Variants in SEC16A observed in about 807,000 individuals in gnomAD.
SEC16A encodes protein transport protein Sec16A.
SEC16A carries 110 observed loss-of-function variants against 221.9 expected under a neutral mutation model. The ratio of observed to expected loss-of-function variants is 0.50; its 90% CI spans 0.42 to 0.58. SEC16A has a LOEUF of 0.58. Ranked by LOEUF, SEC16A falls within the 20% of genes least tolerant of loss-of-function variation. The probability of loss-of-function intolerance (pLI) is 0.00; values close to 1 mark genes in which losing one functional copy is unlikely to be tolerated. For synonymous variants in SEC16A, 1,393 were observed against 1,257.7 expected, an observed-to-expected ratio of 1.11 and a Z score of -2.28; for missense variants, 3,165 against 3,097.8, an observed-to-expected ratio of 1.02 and a Z score of -0.52.
chr9:136,477,242 G>C lies in SEC16A; in HGVS notation c.374C>G (p.Ser125Cys). Residue 125 changes from serine to cysteine, a missense_variant, in exon 3 of 32, where the codon TCT becomes TGT. Transcript: ENST00000684901. ...AGGTGCTGAAGGTGTCAATGCACCAGAAAACGGACTGGCATGTGCTCTGGG... is the reference window on the plus strand; with the variant it reads ...AGGTGCTGAAGGTGTCAATGCACCACAAAACGGACTGGCATGTGCTCTGGG... ...TQPRAHASPF[S>C]GALTPSAPPG... 6.2e-7 allele frequency: 1 copy of C among 1,613,944 alleles called. No homozygotes were observed. The highest frequency in any genetic ancestry group is 8.5e-7 in the Non-Finnish European group (1 of 1,179,898).
intron 28 of SEC16A, among the ~76,000 whole-genome samples, chr9:136,446,495 T>C (rs1387684031): frequency 1.3e-5 from 2 of 151,940 alleles, no homozygotes; most frequent in African/African-American, 2.4e-5. Context: ...TTATTATCGG[T>C]AGGTAATTTC....
chr9:136,448,417 G>C (rs1053656210), intron 23 of SEC16A: 30 of 701,356 alleles, frequency 4.3e-5, no homozygotes, highest in Non-Finnish European at 6.8e-5. Context: ...GATGGAGGTG[G>C]GGGGCGATCC....
intron 4 of SEC16A, 85 bp downstream of exon 4, chr9:136,471,890 G>A: frequency 3.4e-6 from 5 of 1,485,394 alleles, no homozygotes; most frequent in Non-Finnish European, 4.6e-6. Context: ...AGAACTTTTT[G>A]AGTCACTAAG....
chr9:136,456,047 C>T lies in SEC16A; in HGVS notation c.5664+6G>A. The T allele has an allele frequency of 6.2e-7, 1 of 1,608,728 alleles. No homozygotes were observed. Among genetic ancestry groups the T allele is most frequent in the Admixed American group, 1.7e-5 (1 of 59,736 alleles). ...GCCTCTGTGCCACCCCAAGCCAAGG[C>T]TGTACCTTAATCTGCCGCTCCACCT... On this transcript the variant is annotated splice_donor_region_variant and intron_variant, in intron 19 of 31. Coordinates refer to ENST00000684901, the MANE Select transcript of SEC16A (RefSeq NM_014866.2).
upstream of SEC16A, chr9:136,483,756 T>C (rs1044816656): frequency 1.4e-5 from 14 of 985,042 alleles, no homozygotes; most frequent in African/African-American, 2.5e-4. Flanking sequence ...GGCGCGCTCC[T>C]CGCATTCTTC....
chr9:136,467,952 C>T (rs1048687396), intron 5 of SEC16A, among the ~76,000 whole-genome samples: 6 of 152,230 alleles, frequency 3.9e-5, no homozygotes, highest in African/African-American at 9.6e-5. Context: ...GCACCCAGGT[C>T]GCTGCCCGGT....
chr9:136,463,814 A>G, intron 9 of SEC16A, 74 bp from the exon 10 acceptor site: 1 of 1,529,234 alleles, frequency 6.5e-7, no homozygotes, highest in Non-Finnish European at 9.0e-7. Context: ...CAACCCAGGC[A>G]CGGATGCTGC....
chr9:136,475,723 C>G lies in SEC16A; in HGVS notation c.1893G>C (p.Val631=), dbSNP rs1216956424. 1.1e-5 allele frequency: 17 copies of G among 1,611,870 alleles called. No individual in the cohort carries two copies. The highest frequency in any genetic ancestry group is 1.4e-5 in the Non-Finnish European group (17 of 1,179,066). ...VKPFEADRAN[V]VGEVRETCVR... ...CACAGGTCTCCCTTACTTCACCAACCACGTTGGCGCGATCTGCCTCAAATG... is the reference window on the plus strand; with the variant it reads ...CACAGGTCTCCCTTACTTCACCAACGACGTTGGCGCGATCTGCCTCAAATG... The change falls in exon 3 of 32, where the codon GTG becomes GTC. Residue 631 remains valine, a synonymous_variant. Coordinates refer to ENST00000684901, the MANE Select transcript of SEC16A (RefSeq NM_014866.2). This position sits in a 1 kb window ranked among gnomAD's most constrained non-coding sequence, Gnocchi z 5.0.
Position 136,463,454 on chromosome 9 carries a change from G to A in SEC16A, c.4647+9C>T, listed in dbSNP as rs766343910. On this transcript the variant is annotated intron_variant, in intron 11 of 31. Coordinates refer to ENST00000684901, the MANE Select transcript of SEC16A (RefSeq NM_014866.2). ...AGAAGAAACACTCTAGAAGTAGAAA[G>A]AAACATACCCCATTTTGTCTGCATA... 102 of 1,611,306 alleles carry A rather than the reference G, an allele frequency of 6.3e-5. No individual in the cohort carries two copies. Among genetic ancestry groups the A allele is most frequent in the Non-Finnish European group, 8.1e-5 (95 of 1,178,432 alleles).
intron 1 of SEC16A, among the ~76,000 whole-genome samples, chr9:136,479,379 G>A (rs1842035830): frequency 6.6e-6 from 1 of 152,122 alleles, no homozygotes; most frequent in East Asian, 1.9e-4. Flanking sequence ...TTGAGACGGA[G>A]TCTTGCTCTG....
intron 12 of SEC16A, among the ~76,000 whole-genome samples, chr9:136,461,559 G>A (rs12004863): frequency 1.1e-4 from 16 of 152,170 alleles, no homozygotes; most frequent in African/African-American, 3.9e-4. Context: ...ATCACGCAGC[G>A]CTGCCCACCA....
chr9:136,461,719 G>C (rs547284085), intron 12 of SEC16A, among the ~76,000 whole-genome samples: 6 of 152,170 alleles, frequency 3.9e-5, no homozygotes, highest in Non-Finnish European at 8.8e-5. Flanking sequence ...TAGAACTTCT[G>C]GCTGGGAGGC....
Position 136,459,508 on chromosome 9 carries a change from G to C in SEC16A, c.5239C>G (p.Gln1747Glu), listed in dbSNP as rs772607132. Reference protein sequence around the residue: ...DAAHFCYLMAQAGFGVYTKKT... With the variant: ...DAAHFCYLMAEAGFGVYTKKT... ...TTCGTGTAAACACCAAATCCCGCCT[G>C]GGCCATGAGGTAGCAGAAGTGGGCC... The change falls in exon 16 of 32, where the codon CAG becomes GAG. Residue 1747 changes from glutamine (Q) to glutamate (E), a missense_variant. Gln to Glu is a conservative substitution (Grantham distance 29). This residue lies in a region of SEC16A where 1,088 missense variants were observed against 1,089.6 expected (regional missense o/e 1.00). Coordinates refer to ENST00000684901, the MANE Select transcript of SEC16A (RefSeq NM_014866.2). This position sits in a 1 kb window ranked among gnomAD's most constrained non-coding sequence, Gnocchi z 6.1. 5 of 1,607,146 alleles carry C rather than the reference G, an allele frequency of 3.1e-6. No individual in the cohort carries two copies. In the South Asian group the frequency reaches 5.6e-5, roughly 18 times the overall value.
chr9:136,446,493 G>A (rs960244585), intron 28 of SEC16A, among the ~76,000 whole-genome samples: 3 of 150,026 alleles, frequency 2.0e-5, no homozygotes, highest in East Asian at 3.9e-4. Context: ...TTTTATTATC[G>A]GTAGGTAATT....
At chr9:136,453,563 T>G in intron 21 of SEC16A, 53 bp from the exon 22 acceptor site, 1 of 1,449,414 alleles carries the variant, frequency 6.9e-7, no homozygotes, top group Non-Finnish European at 9.7e-7. Flanking sequence ...AGGCGGGACG[T>G]GTGTGTGGCG....
chr9:136,459,179 G>A lies in SEC16A; in HGVS notation c.5364C>T (p.Tyr1788=), dbSNP rs374734495. The part of the protein sequence containing the change: ...EAIQRTEAYE[Y]AQSLGAETCP... The stretch of plus-strand genomic sequence containing the variant: ...AGGTCTCGGCACCCAGGGACTGGGC[G>A]TACTCATAGGCTTCCGTCCTCTGGA... The change falls in exon 17 of 32, where the codon TAC becomes TAT. Residue 1788 remains tyrosine (Y), a synonymous_variant. Coordinates refer to ENST00000684901, the MANE Select transcript of SEC16A (RefSeq NM_014866.2). This position sits in a 1 kb window ranked among gnomAD's most constrained non-coding sequence, Gnocchi z 6.1. 390 of 1,613,812 alleles carry A rather than the reference G, an allele frequency of 2.4e-4. No individual in the cohort carries two copies. Among genetic ancestry groups the A allele is most frequent in the Non-Finnish European group, 3.0e-4 (352 of 1,179,724 alleles).
chr9:136,474,816 G>T lies in SEC16A; in HGVS notation c.2800C>A (p.Pro934Thr). Residue 934 changes from proline (P) to threonine (T), a missense_variant, in exon 3 of 32, where the codon CCA (proline) becomes ACA (threonine). Coordinates refer to ENST00000684901, the MANE Select transcript of SEC16A (RefSeq NM_014866.2). ...TGACTTTCTGGAACCAAGTTCTCTG[G>T]AACTGGCTGGGATGGTGGTTGAACC... ...LLVQPPSQPVPENLVPESQKD... is the reference protein window; with the variant it reads ...LLVQPPSQPVTENLVPESQKD... 6.2e-7 allele frequency: 1 copy of T among 1,613,954 alleles called. No individual in the cohort carries two copies. Among genetic ancestry groups the T allele is most frequent in the Non-Finnish European group, 8.5e-7 (1 of 1,179,898 alleles).
At position 136,457,434 on chromosome 9, in the gene SEC16A, G is replaced by C. The variant is rs751686907; in HGVS notation, c.5550+10C>G. On this transcript the variant is annotated intron_variant, in intron 18 of 31. Transcript: ENST00000684901. ...CACAGCATCCCGAGGACAGGCGCCA[G>C]GGGCAGCACCTGCACAAGCTGGCTG... The C allele has an allele frequency of 6.3e-7, 1 of 1,597,042 alleles. No homozygotes were observed. The highest frequency in any genetic ancestry group is 1.3e-5 in the African/African-American group (1 of 74,596).
In SEC16A at chr9:136,477,089, T is replaced by C; in HGVS notation, c.527A>G (p.His176Arg). 3 of 1,613,856 alleles carry C rather than the reference T, an allele frequency of 1.9e-6. No individual in the cohort carries two copies. The highest frequency in any genetic ancestry group is 2.5e-6 in the Non-Finnish European group (3 of 1,179,880). Reference sequence around the variant, plus strand: ...TCGGTCGAGCCCAGGCATGTTCCCATGAGGGTGGCCCCCATGAGACGTTTC... The same window carrying C: ...TCGGTCGAGCCCAGGCATGTTCCCACGAGGGTGGCCCCCATGAGACGTTTC... ...DPETSHGGHP[H>R]GNMPGLDRPL... The change falls in exon 3 of 32, where the codon CAT becomes CGT. Residue 176 changes from histidine to arginine, a missense_variant. By Grantham distance (29) the His-to-Arg change is conservative. Around this residue, in one of 3 missense-constraint regions of SEC16A, gnomAD observed 2,030 missense variants for 1,923.1 expected, o/e 1.06. Transcript: ENST00000684901.
Sources: gnomAD v4.1 joint callset for allele counts (sites outside exome capture counted in the v4.1 genomes callset) on GRCh38, gnomAD v4.1.1 for gene constraint, gnomAD v4.1.1 regional missense constraint, Gnocchi (gnomAD v3.1) non-coding constraint, MANE v1.5 for transcripts, NCBI Gene and HGNC (gene_info 2026-07-23, HGNC 2026-07-21) for gene names.